The following COL4A3 variants were observed in gnomAD, a reference collection of about 807,000 sequenced individuals.
COL4A3 encodes collagen alpha-3(IV) chain.
COL4A3 carries 135 observed loss-of-function variants against 217.4 expected under a neutral mutation model. That is an observed-to-expected ratio of 0.62 (90% CI 0.54 to 0.72). The LOEUF is 0.72. COL4A3 is among the 30% of genes least tolerant of loss of function. The pLI is 0.00. For synonymous variants in COL4A3, 690 were observed against 736.3 expected (o/e 0.94, Z 1.02); for missense variants, 1,868 against 2,119.9 (o/e 0.88, Z 2.33).
chr2:227,181,503 C>A (rs1577041571), intron 1 of COL4A3, among the ~76,000 whole-genome samples: 1 of 152,100 alleles, frequency 6.6e-6, no homozygotes, highest in Non-Finnish European at 1.5e-5. Context: ...ACATGTAATG[C>A]ATGTCATTTG....
rs2069656449 is a variant in COL4A3, at chr2:227,250,334, AAGATGATAGAT to A, written c.547-801_547-791del. Reference sequence around the variant, plus strand: ...CTCAAAAAAATAGGTAGATAGATAAAAGATGATAGATAGATAGATAGATAGATAGATAGATA... The same window carrying A: ...CTCAAAAAAATAGGTAGATAGATAAAAGATAGATAGATAGATAGATAGATA... On this transcript the variant is annotated intron_variant, in intron 9 of 51. Coordinates refer to ENST00000396578, the MANE Select transcript of COL4A3 (RefSeq NM_000091.5). This position sits in a 1 kb window ranked among gnomAD's most constrained non-coding sequence, Gnocchi z 4.1. 7.4e-6 allele frequency among the ~76,000 whole-genome samples: 1 copy of A among 135,614 alleles called. No homozygotes were observed. The highest frequency in any genetic ancestry group is 1.6e-5 in the Non-Finnish European group (1 of 62,366). The allele number at this position is 135,614 out of a possible 152,430, so 89.0% of individuals were successfully genotyped here. A position where few individuals can be genotyped will look rare whatever the true frequency, so the allele number is the denominator to read the frequency against.
Position 227,290,009 on chromosome 2 carries a change from A to G in COL4A3, c.2991A>G (p.Gly997=). The change falls in exon 36 of 52, where the codon GGA becomes GGG. Residue 997 remains glycine, a synonymous_variant. Transcript: ENST00000396578. ...PGPAGPPGPR[G]DLGSTGNPGE... ...TTATTTGTTCTCAAGGCCCCAGAGG[A>G]GATTTGGGCAGCACTGGGAATCCTG... 2 of 1,613,982 alleles carry G rather than the reference A, an allele frequency of 1.2e-6. No individual in the cohort carries two copies. The highest frequency in any genetic ancestry group is 1.7e-6 in the Non-Finnish European group (2 of 1,179,958).
chr2:227,273,234 A>G (rs1221707313), intron 26 of COL4A3, 117 bp downstream of exon 26: 4 of 1,096,052 alleles, frequency 3.6e-6, no homozygotes, highest in Non-Finnish European at 5.5e-6. Flanking sequence ...AACGAATAGA[A>G]TATGTCAACT....
intron 1 of COL4A3, among the ~76,000 whole-genome samples, chr2:227,217,969 A>C (rs1479941736): frequency 6.8e-6 from 1 of 147,436 alleles, no homozygotes; most frequent in Non-Finnish European, 1.5e-5. Context: ...GCATTGCTTT[A>C]AGAGTCAGAT....
Position 227,290,022 on chromosome 2 carries a change from A to G in COL4A3, c.3004A>G (p.Thr1002Ala). The G allele has an allele frequency of 6.2e-7, 1 of 1,614,166 alleles. No homozygotes were observed. The highest frequency in any genetic ancestry group is 1.3e-5 in the African/African-American group (1 of 75,042). The change falls in exon 36 of 52, where the codon ACT becomes GCT. Residue 1002 changes from threonine to alanine, a missense_variant. Physicochemically the swap from Thr to Ala is moderately conservative, Grantham distance 58 (BLOSUM62 0). Transcript: ENST00000396578. Reference protein sequence around the residue: ...PPGPRGDLGSTGNPGEPGLRG... With the variant: ...PPGPRGDLGSAGNPGEPGLRG... ...AGGCCCCAGAGGAGATTTGGGCAGC[A>G]CTGGGAATCCTGGAGAACCAGGACT...
intron 1 of COL4A3, among the ~76,000 whole-genome samples, chr2:227,200,405 A>G (rs6739993): frequency 0.14 from 21,560 of 151,770 alleles, 1,706 homozygotes; most frequent in Non-Finnish European, 0.16. Context: ...TGATTGTTCA[A>G]TTATTGGCTC....
intron 1 of COL4A3, among the ~76,000 whole-genome samples, chr2:227,210,849 A>G (rs184191879): frequency 1.5e-5 from 2 of 130,012 alleles, no homozygotes; most frequent in East Asian, 4.4e-4. Flanking sequence ...ACAAAAATAT[A>G]TATACATATA....
In COL4A3 at chr2:227,246,752, C is replaced by A. The variant is rs2069366438; in HGVS notation, c.441+14C>A. 1 of 1,603,238 alleles carries A rather than the reference C, an allele frequency of 6.2e-7. No individual in the cohort carries two copies. Among genetic ancestry groups the A allele is most frequent in the Non-Finnish European group, 8.5e-7 (1 of 1,170,104 alleles). On this transcript the variant is annotated intron_variant, in intron 7 of 51. Transcript: ENST00000396578. ...CCAGGGATCCCGGTAGGTTTGCATG[C>A]CTAATTCCCCAACAAAGACATAAAG...
rs1220593153 is a variant in COL4A3, at chr2:227,270,708, A to G, written c.1576-62A>G. 33 of 1,546,232 alleles carry G rather than the reference A, an allele frequency of 2.1e-5. No homozygotes were observed. In the East Asian group the frequency reaches 6.3e-4, roughly 29 times the overall value. On this transcript the variant is annotated intron_variant, in intron 24 of 51. Coordinates refer to ENST00000396578, the MANE Select transcript of COL4A3 (RefSeq NM_000091.5). ...AAAAGTTCTTGTCCACACTGTTTTT[A>G]AGATTGACAGAAGAAGAATTCTAAC...
At chr2:227,216,295 A>G (rs1292074799) in intron 1 of COL4A3, among the ~76,000 whole-genome samples, 1 of 152,188 alleles carries the variant, frequency 6.6e-6, no homozygotes, top group Non-Finnish European at 1.5e-5. Flanking sequence ...TATATATTTT[A>G]TTGTAAAATG....
intron 46 of COL4A3, 164 bp downstream of exon 46, chr2:227,304,308 A>G (rs2073412397): frequency 1.2e-6 from 1 of 819,470 alleles, no homozygotes; most frequent in East Asian, 2.7e-5. Flanking sequence ...CTTGACCAGC[A>G]AATAAAAGAC....
Position 227,248,467 on chromosome 2 carries a change from A to G in COL4A3, c.493A>G (p.Ile165Val). Residue 165 changes from isoleucine (I) to valine (V), a missense_variant, in exon 9 of 52, where the codon ATA becomes GTA. Physicochemically the swap from Ile to Val is conservative, Grantham distance 29. This residue lies in a region of COL4A3 where 365 missense variants were observed against 333.8 expected (regional missense o/e 1.09). Transcript: ENST00000396578. ...QKGAPAKEED[I>V]ELDAKGDPGL... Reference sequence around the variant, plus strand: ...GGGTGCTCCTGCTAAAGAAGAAGATATAGAACTTGATGCAAAAGGCGACCC... The same window carrying G: ...GGGTGCTCCTGCTAAAGAAGAAGATGTAGAACTTGATGCAAAAGGCGACCC... 1 of 1,612,872 alleles carries G rather than the reference A, an allele frequency of 6.2e-7. No individual in the cohort carries two copies. Among genetic ancestry groups the G allele is most frequent in the Non-Finnish European group, 8.5e-7 (1 of 1,178,928 alleles).
chr2:227,251,097 G>C, intron 9 of COL4A3, 43 bp from the exon 10 acceptor site: 1 of 1,370,056 alleles, frequency 7.3e-7, no homozygotes, highest in Non-Finnish European at 1.0e-6. Context: ...TATTAAGTGA[G>C]AAGTAAATTT....
At chr2:227,179,217 C>A (rs2125666648) in intron 1 of COL4A3, among the ~76,000 whole-genome samples, 1 of 152,314 alleles carries the variant, frequency 6.6e-6, no homozygotes, top group East Asian at 1.9e-4. Flanking sequence ...TCCCAAAGTG[C>A]TGGGTTTACA....
Position 227,307,790 on chromosome 2 carries a change from G to A in COL4A3, c.4333G>A (p.Gly1445Ser). 6.2e-7 allele frequency: 1 copy of A among 1,614,158 alleles called. No individual in the cohort carries two copies. The highest frequency in any genetic ancestry group is 8.5e-7 in the Non-Finnish European group (1 of 1,180,016). Residue 1445 changes from glycine (G) to serine (S), a missense_variant, in exon 48 of 52, where the codon GGC becomes AGC. By Grantham distance (56) the Gly-to-Ser change is moderately conservative (BLOSUM62 0). Transcript: ENST00000396578. Reference protein sequence around the residue: ...SGSPATWTTRGFVFTRHSQTT... With the variant: ...SGSPATWTTRSFVFTRHSQTT... ...ATCACCTGCAACCTGGACAACGAGA[G>A]GCTTTGTCTTCACCCGACACAGTCA...
At chr2:227,288,729 T>A (rs1458762202) in intron 34 of COL4A3, among the ~76,000 whole-genome samples, 1 of 152,218 alleles carries the variant, frequency 6.6e-6, no homozygotes, top group East Asian at 1.9e-4. Context: ...TCATTGCTAG[T>A]GTTCATTGAG....
chr2:227,253,587 G>A lies in COL4A3; in HGVS notation c.714G>A (p.Pro238=), dbSNP rs555225084. The A allele has an allele frequency of 3.3e-5, 54 of 1,613,970 alleles. No homozygotes were observed. The highest frequency in any genetic ancestry group is 5.5e-5 in the South Asian group (5 of 91,066). Residue 238 remains proline, a synonymous_variant, in exon 13 of 52, where the codon CCG becomes CCA. Transcript: ENST00000396578. This position sits in a 1 kb window ranked among gnomAD's most constrained non-coding sequence, Gnocchi z 4.4. ...GTGTGAAAGGGTTAACAGGACCCCC[G>A]GGACCACCAGGAACAGTTATTGTGA... ...ERGVKGLTGP[P]GPPGTVIVTL...
intron 47 of COL4A3, chr2:227,305,349 A>G (rs201816525): frequency 2.4e-6 from 1 of 421,090 alleles, no homozygotes; most frequent in Non-Finnish European, 4.5e-6. Context: ...AATAAGTCCT[A>G]TGGGTGTTCT....
intron 1 of COL4A3, among the ~76,000 whole-genome samples, chr2:227,216,357 G>A (rs1216763944): frequency 6.6e-6 from 1 of 152,082 alleles, no homozygotes; most frequent in African/African-American, 2.4e-5. Flanking sequence ...CAGTTATCTG[G>A]AAGACAAACA....
Sources: gnomAD v4.1 joint callset for allele counts (sites outside exome capture counted in the v4.1 genomes callset) on GRCh38, gnomAD v4.1.1 for gene constraint, gnomAD v4.1.1 regional missense constraint, Gnocchi (gnomAD v3.1) non-coding constraint, MANE v1.5 for transcripts, NCBI Gene and HGNC (gene_info 2026-07-23, HGNC 2026-07-21) for gene names.